COA1: variants seen among roughly 807,000 people sequenced by gnomAD.
The protein encoded by COA1 is cytochrome c oxidase assembly factor 1.
A neutral mutation model predicts 16.0 loss-of-function variants in COA1; 13 were observed. The ratio of observed to expected loss-of-function variants is 0.81; its 90% confidence interval spans 0.53 to 1.29. COA1 has a LOEUF of 1.29. Among genes scored for constraint, COA1 ranks in the 50% most tolerant of loss-of-function variants. The pLI, the probability that COA1 is intolerant of heterozygous loss-of-function variation, is 0.00. For synonymous variants in COA1, 65 were observed against 65.7 expected, an observed-to-expected ratio of 0.99 and a Z score of 0.05; for missense variants, 179 against 177.0, an observed-to-expected ratio of 1.01 and a Z score of -0.06.
chr7:43,624,922 A>C, intron 6 of COA1: 1 of 1,251,906 alleles, frequency 8.0e-7, no homozygotes, highest in South Asian at 1.5e-5. Context: ...CAAATGGTAC[A>C]TGTACTGGAA....
At chr7:43,690,728 TGACTAA>T (rs2094239365) in intron 1 of COA1, among the ~76,000 whole-genome samples, 1 of 152,122 alleles carries the variant, frequency 6.6e-6, no homozygotes, top group African/African-American at 2.4e-5. Flanking sequence ...CTAAACACTA[TGACTAA>T]AAGGCAGAGA....
At chr7:43,697,585 G>A (rs1298437294) in intron 1 of COA1, among the ~76,000 whole-genome samples, 1 of 152,098 alleles carries the variant, frequency 6.6e-6, no homozygotes, top group Non-Finnish European at 1.5e-5. Flanking sequence ...CACCCAGCTG[G>A]AAACTTATTT....
chr7:43,645,557 A>G, intron 3 of COA1, 158 bp from the exon 4 acceptor site: 1 of 653,106 alleles, frequency 1.5e-6, no homozygotes. Context: ...TAAATTGTCC[A>G]TTTTACAGAC....
chr7:43,719,457 A>G (rs1443967319), intron 1 of COA1, among the ~76,000 whole-genome samples: 1 of 152,256 alleles, frequency 6.6e-6, no homozygotes, highest in African/African-American at 2.4e-5. Flanking sequence ...CAAAGTTAAT[A>G]AATAATGAAA....
At chr7:43,725,836 G>A (rs1335799619) in intron 1 of COA1, among the ~76,000 whole-genome samples, 15 of 151,324 alleles carry the variant, frequency 9.9e-5, no homozygotes, top group Admixed American at 9.9e-4. Context: ...TCCAGCCTGG[G>A]TACCAAGAGC....
At chr7:43,725,262 AAAGTGTTCTGG>A (rs536036003) in intron 1 of COA1, among the ~76,000 whole-genome samples, 69 of 152,188 alleles carry the variant, frequency 4.5e-4, no homozygotes, top group Non-Finnish European at 7.5e-4. Flanking sequence ...GAAAAAGAAA[AAAGTGTTCTGG>A]AGATAGATGG....
At chr7:43,658,690 AC>A (rs2092088670) in intron 1 of COA1, 1 of 152,210 alleles carries the variant, frequency 6.6e-6, no homozygotes, top group Non-Finnish European at 1.5e-5. Context: ...AAATAAGCAA[AC>A]AAATAAATAT....
intron 4 of COA1, among the ~76,000 whole-genome samples, chr7:43,644,706 T>C (rs571138518): frequency 5.9e-4 from 37 of 62,568 alleles, no homozygotes; most frequent in African/African-American, 1.8e-3. Context: ...TATAGATAGA[T>C]AGATTAGATA....
intron 1 of COA1, among the ~76,000 whole-genome samples, chr7:43,690,884 T>C (rs1219521515): frequency 6.6e-6 from 1 of 151,560 alleles, no homozygotes; most frequent in Non-Finnish European, 1.5e-5. Context: ...GGAAAATTAA[T>C]GGACAGTGCA....
In COA1 at chr7:43,639,562, C is replaced by G; in HGVS notation, c.*20G>C. On this transcript the variant is annotated 3_prime_UTR_variant, in exon 6 of 6. Coordinates refer to ENST00000223336, the MANE Select transcript of COA1 (RefSeq NM_018224.4). ...GAGGGAAGGATGGACTAGAAGCAAGCTGGGTCTTCTGGGTCGTCTCTACTC... is the reference window on the plus strand; with the variant it reads ...GAGGGAAGGATGGACTAGAAGCAAGGTGGGTCTTCTGGGTCGTCTCTACTC... 1 of 1,599,690 alleles carries G rather than the reference C, an allele frequency of 6.3e-7. No individual in the cohort carries two copies.
At chr7:43,684,765 A>G (rs535908843) in intron 1 of COA1, among the ~76,000 whole-genome samples, 5 of 152,194 alleles carry the variant, frequency 3.3e-5, no homozygotes, top group African/African-American at 7.2e-5. Context: ...GGCACACTCT[A>G]TAGTACATAA....
At position 43,646,276 on chromosome 7, in the gene COA1, AAAG is replaced by A. The variant is rs1254770155; in HGVS notation, c.116-880_116-878del. On this transcript the variant is annotated intron_variant, in intron 3 of 5. Transcript: ENST00000223336. The stretch of plus-strand genomic sequence containing the variant: ...GAACACGGTGCCAGCTATGATAGGA[AAAG>A]AAGGGACAGAAGCAGGGTCCAGACA... 1.4e-5 allele frequency: 4 copies of A among 282,320 alleles called. No individual in the cohort carries two copies. The Admixed American group carries it at 1.7e-4, about 12-fold the overall frequency. 17.5% of individuals were successfully genotyped at this position (282,320 alleles called of 1,614,324 possible).
At chr7:43,682,048 A>C (rs1299611159) in intron 1 of COA1, among the ~76,000 whole-genome samples, 1 of 152,220 alleles carries the variant, frequency 6.6e-6, no homozygotes, top group Non-Finnish European at 1.5e-5. Context: ...AAAAATCTCT[A>C]AGGAGGTTAA....
chr7:43,644,745 GATAGATAGA>G (rs1563228025), intron 4 of COA1, among the ~76,000 whole-genome samples: 56 of 99,570 alleles, frequency 5.6e-4, no homozygotes, highest in African/African-American at 2.0e-3. Flanking sequence ...TAGATAGATA[GATAGATAGA>G]TAGATAGGCA....
chr7:43,691,928 G>T (rs543601303), intron 1 of COA1, among the ~76,000 whole-genome samples: 2 of 152,292 alleles, frequency 1.3e-5, no homozygotes, highest in Admixed American at 6.5e-5. Flanking sequence ...ATCTGCCCAG[G>T]TGTCCAGGAG....
intron 1 of COA1, among the ~76,000 whole-genome samples, chr7:43,727,372 T>C (rs1445898516): frequency 6.6e-6 from 1 of 152,188 alleles, no homozygotes; most frequent in East Asian, 1.9e-4. Flanking sequence ...CCTAGGCACA[T>C]ACGCAAGAGA....
chr7:43,713,202 T>C (rs1266628486), intron 1 of COA1, among the ~76,000 whole-genome samples: 2 of 152,194 alleles, frequency 1.3e-5, no homozygotes, highest in African/African-American at 4.8e-5. Context: ...TCTGCCCACC[T>C]TGGCCTCCCA....
intron 1 of COA1, among the ~76,000 whole-genome samples, chr7:43,718,322 T>C (rs2095436421): frequency 6.6e-6 from 1 of 152,242 alleles, no homozygotes; most frequent in South Asian, 2.1e-4. Context: ...TAGATGCTCT[T>C]GTCTCAGCTC....
At chr7:43,668,030 C>T (rs2092998780) in intron 1 of COA1, among the ~76,000 whole-genome samples, 2 of 152,052 alleles carry the variant, frequency 1.3e-5, no homozygotes, top group South Asian at 2.1e-4. Flanking sequence ...TTTTCTTTGT[C>T]GACAGGACAC....
Sources: allele counts gnomAD v4.1 joint callset (sites outside exome capture counted in the v4.1 genomes callset), GRCh38; gene constraint gnomAD v4.1.1; transcripts MANE v1.5; gene names NCBI Gene and HGNC (gene_info 2026-07-23, HGNC 2026-07-21).